The following ELMO1 variants were observed in gnomAD, a reference collection of about 807,000 sequenced individuals.
ELMO1 encodes engulfment and cell motility 1.
Under a neutral mutation model 98.9 loss-of-function variants are expected in ELMO1, and 26 were observed. The observed-to-expected ratio is 0.26, with a 90% confidence interval of 0.19 to 0.36. ELMO1 has a LOEUF of 0.36. Ranked by LOEUF, ELMO1 falls within the 10% of genes least tolerant of loss-of-function variation. The pLI is 1.00. For synonymous variants in ELMO1, 346 were observed against 346.0 expected, an observed-to-expected ratio of 1.00 and a Z score of 0.00; for missense variants, 627 against 935.2, an observed-to-expected ratio of 0.67 and a Z score of 4.30.
chr7:37,248,903 A>C (rs1795165671), intron 6 of ELMO1, among the ~76,000 whole-genome samples: 1 of 152,242 alleles, frequency 6.6e-6, no homozygotes, highest in Non-Finnish European at 1.5e-5. Flanking sequence ...TCAAAACAGA[A>C]ATTCATCTTT....
At chr7:37,204,458 A>G (rs1359350003) in intron 13 of ELMO1, among the ~76,000 whole-genome samples, 1 of 152,060 alleles carries the variant, frequency 6.6e-6, no homozygotes, top group Non-Finnish European at 1.5e-5. Context: ...TCAGGAATGA[A>G]GCTGCAGACC....
Position 37,342,741 on chromosome 7 carries a change from T to C in ELMO1, c.-51A>G. On this transcript the variant is annotated 5_prime_UTR_variant, in exon 2 of 22. Coordinates refer to ENST00000310758, the MANE Select transcript of ELMO1 (RefSeq NM_014800.11). The surrounding 1 kb of genome is among the most constrained non-coding windows in gnomAD (Gnocchi z 4.3). Reference sequence around the variant, plus strand: ...CAGTGGGAATGAGGATCCTACAGCGTAAACGGCCACACGTGTCTATACCTA... The same window carrying C: ...CAGTGGGAATGAGGATCCTACAGCGCAAACGGCCACACGTGTCTATACCTA... The C allele has an allele frequency of 6.6e-7, 1 of 1,523,598 alleles. No individual in the cohort carries two copies. The highest frequency in any genetic ancestry group is 9.0e-7 in the Non-Finnish European group (1 of 1,116,906). 94.4% of individuals were successfully genotyped at this position (1,523,598 alleles called of 1,614,324 possible).
intron 13 of ELMO1, among the ~76,000 whole-genome samples, chr7:37,169,728 T>G (rs1240106428): frequency 2.0e-5 from 3 of 152,230 alleles, no homozygotes; most frequent in African/African-American, 7.2e-5. Flanking sequence ...GGGAGGCACA[T>G]GTCACACATG....
intron 13 of ELMO1, among the ~76,000 whole-genome samples, chr7:37,195,499 T>C (rs894857083): frequency 6.6e-6 from 1 of 152,178 alleles, no homozygotes; most frequent in Admixed American, 6.5e-5. Context: ...CTCAGATAGA[T>C]GGAAGAAATC....
In ELMO1 at chr7:36,962,377, T is replaced by A. The variant is rs10272568; in HGVS notation, c.1437+50922A>T. 5.7e-3 allele frequency among the ~76,000 whole-genome samples: 864 copies of A among 152,246 alleles called. 7 individuals are homozygous for A. The highest frequency in any genetic ancestry group is 9.9e-3 in the Non-Finnish European group (670 of 68,016). On this transcript the variant is annotated intron_variant, in intron 16 of 21. Coordinates refer to ENST00000310758, the MANE Select transcript of ELMO1 (RefSeq NM_014800.11). The stretch of plus-strand genomic sequence containing the variant: ...AAAAACTTTGAGGCAGGGGAATGCA[T>A]CATGAGATTGACATGAAAATGAAGT...
chr7:37,361,310 G>T (rs951349486), intron 1 of ELMO1, among the ~76,000 whole-genome samples: 2 of 152,140 alleles, frequency 1.3e-5, no homozygotes, highest in African/African-American at 2.4e-5. Flanking sequence ...CAATAAAAAA[G>T]AATAAACTGC....
chr7:36,957,220 T>C (rs142813431), intron 16 of ELMO1, among the ~76,000 whole-genome samples: 3 of 144,816 alleles, frequency 2.1e-5, no homozygotes, highest in East Asian at 1.9e-4. Context: ...TAGAAAGTAA[T>C]GAACAAATGA....
At chr7:37,222,464 C>T (rs1037276787) in intron 10 of ELMO1, 151 bp downstream of exon 10, 23 of 753,436 alleles carry the variant, frequency 3.1e-5, no homozygotes, top group Middle Eastern at 2.7e-4. Context: ...GCGGGCCAGC[C>T]GTGCAGCGGA....
intron 16 of ELMO1, among the ~76,000 whole-genome samples, chr7:36,962,916 GGAAAATTGGAAAAGTGA>G (rs1182402007): frequency 4.6e-5 from 7 of 152,050 alleles, no homozygotes; most frequent in South Asian, 2.1e-4. Context: ...AAAGTATTAC[GGAAAATTGGAAAAGTGA>G]GAAAATTGGA....
At chr7:37,447,714 C>CCACCCACA (rs1323474343) in intron 1 of ELMO1, among the ~76,000 whole-genome samples, 4 of 132,140 alleles carry the variant, frequency 3.0e-5, no homozygotes, top group African/African-American at 1.2e-4. Context: ...CGCGCACACA[C>CCACCCACA]CACACACACA....
intron 19 of ELMO1, among the ~76,000 whole-genome samples, chr7:36,874,185 A>C (rs930232085): frequency 6.6e-6 from 1 of 152,224 alleles, no homozygotes; most frequent in African/African-American, 2.4e-5. Context: ...TGTAACTCTA[A>C]CATTATCTAT....
At chr7:37,240,793 T>C (rs1297799958) in intron 7 of ELMO1, among the ~76,000 whole-genome samples, 1 of 152,200 alleles carries the variant, frequency 6.6e-6, no homozygotes, top group East Asian at 1.9e-4. Flanking sequence ...GCTATTTTAT[T>C]GTTACCGACT....
At chr7:37,265,922 C>T (rs4723631) in intron 5 of ELMO1, among the ~76,000 whole-genome samples, 61,705 of 151,724 alleles carry the variant, frequency 0.41, 12,808 homozygotes, top group East Asian at 0.62. Flanking sequence ...AACAGGACAT[C>T]CTTCCTCAAA....
intron 7 of ELMO1, among the ~76,000 whole-genome samples, chr7:37,244,137 T>G (rs1323774545): frequency 1.3e-5 from 2 of 152,122 alleles, no homozygotes; most frequent in African/African-American, 4.8e-5. Context: ...GTTACATACA[T>G]AAAATATTCT....
chr7:37,310,502 C>T (rs1442746031), intron 4 of ELMO1, among the ~76,000 whole-genome samples: 2 of 152,192 alleles, frequency 1.3e-5, no homozygotes, highest in Admixed American at 1.3e-4. Context: ...AATATAAATG[C>T]ACTTTGTGAA....
At chr7:37,400,985 C>A (rs1440160310) in intron 1 of ELMO1, among the ~76,000 whole-genome samples, 8 of 152,136 alleles carry the variant, frequency 5.3e-5, no homozygotes, top group African/African-American at 1.9e-4. Context: ...AAGTTTGACT[C>A]TTAGAATTGA....
chr7:36,869,090 T>C (rs1416533390), intron 20 of ELMO1, among the ~76,000 whole-genome samples: 1 of 152,236 alleles, frequency 6.6e-6, no homozygotes, highest in Non-Finnish European at 1.5e-5. Context: ...AGCTATAGAA[T>C]CTCTGTCTCC....
chr7:36,868,925 C>G (rs1243910044), intron 20 of ELMO1, among the ~76,000 whole-genome samples: 1 of 152,162 alleles, frequency 6.6e-6, no homozygotes, highest in Non-Finnish European at 1.5e-5. Flanking sequence ...TGAAGCTGAG[C>G]AGAGCCCGTG....
intron 16 of ELMO1, among the ~76,000 whole-genome samples, chr7:36,961,157 C>T (rs566748628): frequency 3.0e-4 from 46 of 152,258 alleles, no homozygotes; most frequent in Admixed American, 6.5e-4. Context: ...GTATTTTCCA[C>T]TACTATAAGC....
Sources: gnomAD v4.1 joint callset for allele counts (sites outside exome capture counted in the v4.1 genomes callset) on GRCh38, gnomAD v4.1.1 for gene constraint, Gnocchi (gnomAD v3.1) non-coding constraint, MANE v1.5 for transcripts, NCBI Gene and HGNC (gene_info 2026-07-23, HGNC 2026-07-21) for gene names.